CEP63: variants seen among roughly 807,000 people sequenced by gnomAD.
The protein encoded by CEP63 is centrosomal protein of 63 kDa.
Under a neutral mutation model 89.1 loss-of-function variants are expected in CEP63, and 84 were observed. The ratio of observed to expected loss-of-function variants is 0.94; its 90% CI spans 0.79 to 1.13. The LOEUF (loss-of-function observed/expected upper bound fraction) is 1.13. CEP63 is among the 50% of genes most tolerant of loss of function. The pLI, the probability that CEP63 is intolerant of heterozygous loss-of-function variation, is 0.00. For missense variants in CEP63, 838 were observed against 813.3 expected (o/e 1.03, Z -0.37); for synonymous variants, 267 against 272.5 (o/e 0.98, Z 0.20).
chr3:134,765,722 G>T, the CEP63 span, among the ~76,000 whole-genome samples: 1 of 152,190 alleles, frequency 6.6e-6, no homozygotes, highest in Non-Finnish European at 1.5e-5. Context: ...GGAGAGACTG[G>T]AGGCTGGGGT....
downstream of CEP63, among the ~76,000 whole-genome samples, chr3:134,577,453 T>TTTC (rs1407367237): frequency 6.9e-6 from 1 of 145,902 alleles, no homozygotes; most frequent in Admixed American, 6.9e-5. Context: ...TTTTTTTTTT[T>TTTC]TGAGATGGAG....
At position 134,542,640 on chromosome 3, in the gene CEP63, A is replaced by G. The variant is rs1952286262; in HGVS notation, c.556-2946A>G. Among the ~76,000 whole-genome samples the G allele has an allele frequency of 5.3e-5, 8 of 152,272 alleles. No homozygotes were observed. In the South Asian group the frequency reaches 1.7e-3, roughly 32 times the overall value. On this transcript the variant is annotated intron_variant, in intron 6 of 14. Coordinates refer to ENST00000675561, the MANE Select transcript of CEP63 (RefSeq NM_001353108.3). ...GTTCATAGTAATCTCACTCTCTGGG[A>G]GAGTCATTTTCTTGAAGCACCAGGA...
At chr3:134,619,088 C>G in the CEP63 span, 1 of 1,381,088 alleles carries the variant, frequency 7.2e-7, no homozygotes, top group Admixed American at 1.7e-5. Flanking sequence ...GCACATGGCA[C>G]TGTGGAAGAG....
chr3:134,518,972 C>T (rs1576991703), intron 3 of CEP63, among the ~76,000 whole-genome samples: 1 of 151,968 alleles, frequency 6.6e-6, no homozygotes, highest in Non-Finnish European at 1.5e-5. Flanking sequence ...CATAATAGAG[C>T]CTCTGAATAG....
At chr3:134,777,216 T>G in the CEP63 span, among the ~76,000 whole-genome samples, 1 of 152,216 alleles carries the variant, frequency 6.6e-6, no homozygotes. Flanking sequence ...GCCCCTTTGG[T>G]TCTCACTCTC....
chr3:134,506,254 G>T (rs1365711741), intron 2 of CEP63, among the ~76,000 whole-genome samples: 1 of 152,228 alleles, frequency 6.6e-6, no homozygotes, highest in Non-Finnish European at 1.5e-5. Context: ...GTTTACAATA[G>T]TAAGGTAGAC....
chr3:134,730,244 G>A, the CEP63 span, among the ~76,000 whole-genome samples: 1 of 152,132 alleles, frequency 6.6e-6, no homozygotes, highest in Admixed American at 6.5e-5. Flanking sequence ...CCCTACCATA[G>A]AGGCTCAGCT....
chr3:134,556,420 C>T (rs1333839485), intron 12 of CEP63, among the ~76,000 whole-genome samples: 1 of 149,394 alleles, frequency 6.7e-6, no homozygotes, highest in Non-Finnish European at 1.5e-5. Flanking sequence ...GGAGAGGAGA[C>T]AATAGCTAAA....
chr3:134,633,753 G>A, the CEP63 span, among the ~76,000 whole-genome samples: 1 of 152,116 alleles, frequency 6.6e-6, no homozygotes, highest in Non-Finnish European at 1.5e-5. Flanking sequence ...GTCCCACCCT[G>A]TGTAATAAGA....
the CEP63 span, among the ~76,000 whole-genome samples, chr3:134,755,983 G>A: frequency 1.3e-5 from 2 of 152,342 alleles, no homozygotes; most frequent in Admixed American, 6.5e-5. Context: ...CAGGGGACAA[G>A]GGAAGCTTTA....
At chr3:134,539,424 T>C (rs558368724) in intron 6 of CEP63, among the ~76,000 whole-genome samples, 3 of 152,206 alleles carry the variant, frequency 2.0e-5, no homozygotes, top group Non-Finnish European at 2.9e-5. Context: ...ATCATAGATA[T>C]CATCTTATTT....
At chr3:134,597,218 T>C in the CEP63 span, among the ~76,000 whole-genome samples, 35 of 152,280 alleles carry the variant, frequency 2.3e-4, no homozygotes, top group Admixed American at 7.2e-4. Context: ...CTTCCCTGGA[T>C]GGCAGGGGCA....
At chr3:134,655,616 C>T in the CEP63 span, among the ~76,000 whole-genome samples, 1 of 152,202 alleles carries the variant, frequency 6.6e-6, no homozygotes, top group African/African-American at 2.4e-5. Context: ...ACTCTGTATG[C>T]TCCAAAGCTC....
downstream of CEP63, among the ~76,000 whole-genome samples, chr3:134,592,469 G>GGGGTGTGTGTGT (rs1553800535): frequency 8.0e-6 from 1 of 125,108 alleles, no homozygotes; most frequent in Non-Finnish European, 1.6e-5. Flanking sequence ...TCTGCAAACT[G>GGGGTGTGTGTGT]GTGTGTGTGT....
the CEP63 span, chr3:134,647,613 G>C: frequency 1.6e-6 from 1 of 614,654 alleles, no homozygotes; most frequent in Non-Finnish European, 2.9e-6. Context: ...CTTGGAATCT[G>C]AGAGAGGCTA....
At chr3:134,520,379 G>A (rs535365774) in intron 3 of CEP63, among the ~76,000 whole-genome samples, 1 of 152,238 alleles carries the variant, frequency 6.6e-6, no homozygotes, top group East Asian at 1.9e-4. Context: ...TAAGACCTCT[G>A]CACAGAAAGC....
chr3:134,584,387 C>G (rs4527421), intron 10 of CEP63, among the ~76,000 whole-genome samples: 151,739 of 152,316 alleles, frequency 1, 75,586 homozygotes, highest in Middle Eastern at 1. Context: ...TTAGCATGAA[C>G]TGGTGTTGAA....
At chr3:134,664,777 C>T in the CEP63 span, among the ~76,000 whole-genome samples, 1 of 151,426 alleles carries the variant, frequency 6.6e-6, no homozygotes, top group Non-Finnish European at 1.5e-5. Flanking sequence ...TTTTTGGGCC[C>T]TGGTTTTCTC....
chr3:134,709,190 A>G, the CEP63 span, among the ~76,000 whole-genome samples: 1 of 152,130 alleles, frequency 6.6e-6, no homozygotes, highest in East Asian at 1.9e-4. Context: ...AGGAAGAGGA[A>G]CATTTCCTCC....
Sources: allele counts gnomAD v4.1 joint callset (sites outside exome capture counted in the v4.1 genomes callset), GRCh38; gene constraint gnomAD v4.1.1; transcripts MANE v1.5; gene names NCBI Gene and HGNC (gene_info 2026-07-23, HGNC 2026-07-21).